The following MPP1 variants were observed in gnomAD, a reference collection of about 807,000 sequenced individuals.
MPP1 encodes MAGUK p55 scaffold protein 1.
In MPP1, 6 loss-of-function variants were observed where a neutral mutation model predicts 38.2. The ratio of observed to expected loss-of-function variants is 0.16; its 90% CI spans 0.09 to 0.31. MPP1 has a LOEUF of 0.31. MPP1 is among the 10% of genes least tolerant of loss of function. The probability of loss-of-function intolerance (pLI) is 1.00; values close to 1 mark genes in which losing one functional copy is unlikely to be tolerated. For missense variants in MPP1, 293 were observed against 368.9 expected (o/e 0.79, Z 1.69); for synonymous variants, 153 against 146.3 (o/e 1.05, Z -0.33).
intron 5 of MPP1, among the ~76,000 whole-genome samples, chrX:154,786,895 CAAAAAAAAAA>C (rs782470556): frequency 3.9e-5 from 1 of 25,591 alleles, no homozygotes; most frequent in Admixed American, 8.1e-4. Flanking sequence ...GACTCCGTCT[CAAAAAAAAAA>C]AAAAAAAAAA....
At chrX:154,788,476 GA>G (rs782784436) in intron 5 of MPP1, among the ~76,000 whole-genome samples, 47 of 111,203 alleles carry the variant, frequency 4.2e-4, no homozygotes, top group African/African-American at 1.4e-3. Context: ...GCCAAAGGGT[GA>G]AAAAAAACCC....
At chrX:154,795,138 T>C (rs1209084396) in intron 1 of MPP1, among the ~76,000 whole-genome samples, 2 of 111,434 alleles carry the variant, frequency 1.8e-5, no homozygotes, top group Non-Finnish European at 3.8e-5. Context: ...ACAAAAAACA[T>C]GGTGAGGTTT....
chrX:154,780,622 T>C (rs2071981033), intron 11 of MPP1, among the ~76,000 whole-genome samples: 1 of 111,443 alleles, frequency 9.0e-6, no homozygotes, highest in African/African-American at 3.4e-5. Flanking sequence ...GTGATCCTAC[T>C]TGGAGTTTTT....
At chrX:154,781,164 A>G in intron 11 of MPP1, 75 bp downstream of exon 11, 2 of 940,779 alleles carry the variant, frequency 2.1e-6, no homozygotes, top group South Asian at 4.2e-5. Context: ...ACTCTGGCCA[A>G]TGACCTGGAC....
chrX:154,783,524 G>C lies in MPP1; in HGVS notation c.866-17C>G, dbSNP rs781812632. On this transcript the variant is annotated splice_polypyrimidine_tract_variant and intron_variant, in intron 8 of 11. Coordinates refer to ENST00000369534, the MANE Select transcript of MPP1 (RefSeq NM_002436.4). ...CACTGGCTCCTGTGTAGAGAGAGAAGAACATCTTTTGGAAAGGGGGGAGAG... is the reference window on the plus strand; with the variant it reads ...CACTGGCTCCTGTGTAGAGAGAGAACAACATCTTTTGGAAAGGGGGGAGAG... 34 of 1,179,252 alleles carry C rather than the reference G, an allele frequency of 2.9e-5. No homozygotes were observed. The highest frequency in any genetic ancestry group is 3.7e-5 in the Non-Finnish European group (32 of 870,918).
chrX:154,805,207 G>A (rs1198102151), intron 1 of MPP1, 65 bp downstream of exon 1: 7 of 1,059,274 alleles, frequency 6.6e-6, no homozygotes, highest in Non-Finnish European at 9.0e-6. Flanking sequence ...CCGGGACAGG[G>A]AAAGTCCCGA....
chrX:154,786,581 C>G (rs2072077013), intron 5 of MPP1, among the ~76,000 whole-genome samples, 181 bp from the exon 6 acceptor site: 1 of 110,902 alleles, frequency 9.0e-6, no homozygotes, highest in Non-Finnish European at 1.9e-5. Context: ...GCGGAGGGGT[C>G]AGAATGAATC....
intron 1 of MPP1, among the ~76,000 whole-genome samples, chrX:154,797,271 T>C (rs1364079793): frequency 9.0e-6 from 1 of 111,725 alleles, no homozygotes; most frequent in Non-Finnish European, 1.9e-5. Context: ...TGGGGTGTTA[T>C]TTTTCTCATA....
intron 5 of MPP1, 115 bp from the exon 6 acceptor site, chrX:154,786,515 G>C (rs1367548717): frequency 6.1e-6 from 4 of 657,883 alleles, no homozygotes; most frequent in Non-Finnish European, 9.3e-6. Context: ...AGGGAGGTAA[G>C]AATGGTGGGG....
rs1053888319 is a variant in MPP1, at chrX:154,805,252, G to C, written c.102+20C>G. The C allele has an allele frequency of 3.6e-5, 43 of 1,180,825 alleles. No homozygotes were observed. The highest frequency in any genetic ancestry group is 4.9e-5 in the Non-Finnish European group (43 of 875,943). On this transcript the variant is annotated intron_variant, in intron 1 of 11. Transcript: ENST00000369534. The stretch of plus-strand genomic sequence containing the variant: ...CCGAGCCCCGGCCCAGCGCCCTTGG[G>C]ACTAGCGGGGCCCGCTCACCTCTGG...
chrX:154,781,244 T>C lies in MPP1; in HGVS notation c.1219A>G (p.Thr407Ala). 1 of 1,203,339 alleles carries C rather than the reference T, an allele frequency of 8.3e-7. No homozygotes were observed. Among genetic ancestry groups the C allele is most frequent in the Non-Finnish European group, 1.1e-6 (1 of 892,056 alleles). Residue 407 changes from threonine to alanine, a missense_variant, in exon 11 of 12, where the codon ACT becomes GCT. Physicochemically the swap from Thr to Ala is moderately conservative, Grantham distance 58. Coordinates refer to ENST00000369534, the MANE Select transcript of MPP1 (RefSeq NM_002436.4). ...CGCGCACAACCTCTCCTCACCTGAGTGCCCTGGTCAGTAGGTGCAATGAAC... is the reference window on the plus strand; with the variant it reads ...CGCGCACAACCTCTCCTCACCTGAGCGCCCTGGTCAGTAGGTGCAATGAAC... ...IVFIAPTDQGTQTEALQQLQK... is the reference protein window; with the variant it reads ...IVFIAPTDQGAQTEALQQLQK...
chrX:154,785,233 A>G, intron 6 of MPP1, 76 bp from the exon 7 acceptor site: 1 of 634,726 alleles, frequency 1.6e-6, no homozygotes, highest in East Asian at 4.7e-5. Context: ...TCAGTCTCTA[A>G]TGGCACCCCC....
At chrX:154,799,866 A>G in intron 1 of MPP1, 1 of 1,159,761 alleles carries the variant, frequency 8.6e-7, no homozygotes, top group Non-Finnish European at 1.2e-6. Context: ...GCAGGGTTCA[A>G]AGGGCAGAGG....
At chrX:154,779,724 T>G (rs2071968087) in intron 11 of MPP1, among the ~76,000 whole-genome samples, 1 of 112,138 alleles carries the variant, frequency 8.9e-6, no homozygotes, top group South Asian at 3.7e-4. Context: ...ATTTTGTTGT[T>G]TTGTTTTGTT....
chrX:154,786,463 T>A, intron 5 of MPP1, 63 bp from the exon 6 acceptor site: 1 of 1,036,731 alleles, frequency 9.6e-7, no homozygotes, highest in South Asian at 2.1e-5. Flanking sequence ...CATCAGAGCA[T>A]GTCCTGCTGT....
chrX:154,797,758 T>C (rs1164618966), intron 1 of MPP1, among the ~76,000 whole-genome samples: 2 of 111,658 alleles, frequency 1.8e-5, no homozygotes, highest in African/African-American at 3.3e-5. Flanking sequence ...AAAGGAAAAA[T>C]TGGTAAATTG....
chrX:154,791,950 T>G, intron 2 of MPP1, 103 bp from the exon 3 acceptor site: 1 of 962,857 alleles, frequency 1.0e-6, no homozygotes, highest in Non-Finnish European at 1.5e-6. Context: ...TTTCCATTTA[T>G]ACCCAGGATA....
chrX:154,789,991 A>G lies in MPP1; in HGVS notation c.443T>C (p.Val148Ala), dbSNP rs782029204. 1 of 1,199,539 alleles carries G rather than the reference A, an allele frequency of 8.3e-7. No individual in the cohort carries two copies. The highest frequency in any genetic ancestry group is 1.1e-6 in the Non-Finnish European group (1 of 886,209). Residue 148 changes from valine to alanine, a missense_variant, in exon 5 of 12, where the codon GTA (valine) becomes GCA (alanine). By Grantham distance (64) the Val-to-Ala change is moderately conservative. Transcript: ENST00000369534. ...AAGACGGCTTTGCTGGTTGGGAATTACTTTTAATGAGATCATTCCTTTGGT... is the reference window on the plus strand; with the variant it reads ...AAGACGGCTTTGCTGGTTGGGAATTGCTTTTAATGAGATCATTCCTTTGGT... ...KETKGMISLK[V>A]IPNQQSRLPA...
chrX:154,794,530 T>C lies in MPP1; in HGVS notation c.103-2245A>G, dbSNP rs374915673. Among the ~76,000 whole-genome samples the C allele has an allele frequency of 7.2e-5, 8 of 110,707 alleles. No individual in the cohort carries two copies. The South Asian group carries it at 1.9e-3, about 26-fold the overall frequency. ...GGCTTATGGAAGGGTCTGCTGAAAA[T>C]AGGGGATAGCTGCATTCCAGTCACA... On this transcript the variant is annotated intron_variant, in intron 1 of 11. Coordinates refer to ENST00000369534, the MANE Select transcript of MPP1 (RefSeq NM_002436.4).
Sources: gnomAD v4.1 joint callset for allele counts (sites outside exome capture counted in the v4.1 genomes callset) on GRCh38, gnomAD v4.1.1 for gene constraint, MANE v1.5 for transcripts, NCBI Gene and HGNC (gene_info 2026-07-23, HGNC 2026-07-21) for gene names.